Variants in TPST1 observed in about 807,000 individuals in gnomAD.
TPST1 encodes tyrosylprotein sulfotransferase 1, also known as protein-tyrosine sulfotransferase 1.
Under a neutral mutation model 34.8 loss-of-function variants are expected in TPST1, and 20 were observed. That is an observed-to-expected ratio of 0.57 (90% CI 0.40 to 0.84). The LOEUF is 0.84. Ranked by LOEUF, TPST1 falls within the 40% of genes least tolerant of loss-of-function variation. The probability of loss-of-function intolerance (pLI) is 0.00; values close to 1 mark genes in which losing one functional copy is unlikely to be tolerated. For synonymous variants in TPST1, 152 were observed against 159.4 expected (o/e 0.95, Z 0.35); for missense variants, 353 against 455.5 (o/e 0.78, Z 2.05).
At chr7:66,268,602 G>C (rs999847868) in intron 2 of TPST1, among the ~76,000 whole-genome samples, 5 of 152,104 alleles carry the variant, frequency 3.3e-5, no homozygotes, top group African/African-American at 1.2e-4. Flanking sequence ...TCAATTCTTT[G>C]GGATGGTCAG....
chr7:66,269,521 T>G lies in TPST1; in HGVS notation c.846-16990T>G, dbSNP rs75334146. The stretch of plus-strand genomic sequence containing the variant: ...ACCATATGATCATATCATTCAGTGC[T>G]GAAAAGGCTCTGGGTACAATTCAGT... On this transcript the variant is annotated intron_variant, in intron 2 of 5. Coordinates refer to ENST00000304842, the MANE Select transcript of TPST1 (RefSeq NM_003596.4). 8.1e-3 allele frequency among the ~76,000 whole-genome samples: 1,227 copies of G among 152,320 alleles called. 15 individuals are homozygous for G. The highest frequency in any genetic ancestry group is 0.028 in the African/African-American group (1,160 of 41,576).
chr7:66,233,586 C>A (rs186675078), intron 1 of TPST1, among the ~76,000 whole-genome samples: 1 of 152,228 alleles, frequency 6.6e-6, no homozygotes, highest in South Asian at 2.1e-4. Context: ...CATTGTCTTA[C>A]GATTGTAGCA....
At chr7:66,243,457 T>C (rs1255625417) in intron 2 of TPST1, among the ~76,000 whole-genome samples, 1 of 152,102 alleles carries the variant, frequency 6.6e-6, no homozygotes, top group East Asian at 1.9e-4. Context: ...CCTTCTTTTG[T>C]TTTTGAGATG....
chr7:66,244,223 G>T (rs779579523), intron 2 of TPST1, among the ~76,000 whole-genome samples: 18 of 152,124 alleles, frequency 1.2e-4, no homozygotes, highest in Admixed American at 5.9e-4. Context: ...AAAGTGCTGG[G>T]ATTACAGGCG....
At chr7:66,269,812 A>G (rs1373174380) in intron 2 of TPST1, among the ~76,000 whole-genome samples, 3 of 152,202 alleles carry the variant, frequency 2.0e-5, no homozygotes, top group East Asian at 3.9e-4. Flanking sequence ...AGGAATTGTC[A>G]GGGAAGGACT....
intron 1 of TPST1, among the ~76,000 whole-genome samples, chr7:66,219,207 G>T (rs2116275166): frequency 6.6e-6 from 1 of 152,056 alleles, no homozygotes; most frequent in South Asian, 2.1e-4. Context: ...CATAGCAGTG[G>T]TTTCTGATCA....
chr7:66,241,372 G>A (rs1191835311), intron 2 of TPST1, 102 bp downstream of exon 2: 4 of 1,396,252 alleles, frequency 2.9e-6, no homozygotes, highest in African/African-American at 2.9e-5. Context: ...GTATGTTCCT[G>A]TGTGTATATA....
At chr7:66,335,450 G>C (rs1260089830) in intron 3 of TPST1, among the ~76,000 whole-genome samples, 1 of 150,038 alleles carries the variant, frequency 6.7e-6, no homozygotes, top group Non-Finnish European at 1.5e-5. Flanking sequence ...GCAAAACTGT[G>C]TCTCAAAAAA....
At chr7:66,217,424 T>C (rs1562799364) in intron 1 of TPST1, among the ~76,000 whole-genome samples, 1 of 152,216 alleles carries the variant, frequency 6.6e-6, no homozygotes, top group East Asian at 1.9e-4. Flanking sequence ...TGTTGGATTT[T>C]CCCTCTTATA....
intron 1 of TPST1, among the ~76,000 whole-genome samples, chr7:66,209,587 C>T (rs1174309615): frequency 1.3e-5 from 2 of 152,126 alleles, no homozygotes; most frequent in African/African-American, 4.8e-5. Context: ...TCTCTTTCTC[C>T]GTGGAATGCG....
chr7:66,256,201 T>G (rs1055052037), intron 2 of TPST1, among the ~76,000 whole-genome samples: 6 of 152,256 alleles, frequency 3.9e-5, no homozygotes, highest in Non-Finnish European at 7.3e-5. Context: ...ATTATTGGTA[T>G]ATGCTGTTAG....
chr7:66,276,826 G>T (rs1459495410), intron 2 of TPST1, among the ~76,000 whole-genome samples: 1 of 151,650 alleles, frequency 6.6e-6, no homozygotes, highest in Non-Finnish European at 1.5e-5. Context: ...TTTCTCTATA[G>T]GAATGTTCTT....
intron 3 of TPST1, among the ~76,000 whole-genome samples, chr7:66,348,561 G>C (rs1179246633): frequency 1.3e-5 from 2 of 152,052 alleles, no homozygotes; most frequent in African/African-American, 4.8e-5. Context: ...GAGGTGGGAG[G>C]GTTTGTAGAA....
chr7:66,232,094 A>G (rs541640281), intron 1 of TPST1, among the ~76,000 whole-genome samples: 1 of 152,298 alleles, frequency 6.6e-6, no homozygotes, highest in South Asian at 2.1e-4. Context: ...TGCTGTGAAC[A>G]TAGGTGTACA....
chr7:66,211,463 G>A (rs1398054958), intron 1 of TPST1, among the ~76,000 whole-genome samples: 1 of 152,192 alleles, frequency 6.6e-6, no homozygotes, highest in Non-Finnish European at 1.5e-5. Context: ...ATTCCTTGAA[G>A]TCTGAAACCA....
At chr7:66,270,318 A>G (rs1178986796) in intron 2 of TPST1, among the ~76,000 whole-genome samples, 1 of 152,218 alleles carries the variant, frequency 6.6e-6, no homozygotes, top group Non-Finnish European at 1.5e-5. Context: ...AATTACCTTA[A>G]TGAATTTTTA....
At chr7:66,354,038 A>G (rs930878101) in intron 4 of TPST1, among the ~76,000 whole-genome samples, 2 of 152,180 alleles carry the variant, frequency 1.3e-5, no homozygotes, top group African/African-American at 4.8e-5. Flanking sequence ...CTATTCATCC[A>G]TTCATTCACT....
At chr7:66,308,264 C>G (rs948255921) in intron 3 of TPST1, among the ~76,000 whole-genome samples, 1 of 152,126 alleles carries the variant, frequency 6.6e-6, no homozygotes. Context: ...TAGCTTTGCT[C>G]TAAAATCCTA....
intron 3 of TPST1, among the ~76,000 whole-genome samples, chr7:66,307,200 G>T (rs1791441574): frequency 6.8e-6 from 1 of 148,014 alleles, no homozygotes; most frequent in African/African-American, 2.5e-5. Flanking sequence ...TCACTGCAAG[G>T]TCCGCCTCCC....
Sources: allele counts gnomAD v4.1 joint callset (sites outside exome capture counted in the v4.1 genomes callset), GRCh38; gene constraint gnomAD v4.1.1; transcripts MANE v1.5; gene names NCBI Gene and HGNC (gene_info 2026-07-23, HGNC 2026-07-21).